The following ATP13A3 variants were observed in gnomAD, a reference collection of about 807,000 sequenced individuals.
The protein encoded by ATP13A3 is polyamine-transporting ATPase 13A3.
In ATP13A3, 59 loss-of-function variants were observed where a neutral mutation model predicts 158.1. That is an observed-to-expected ratio of 0.37 (90% CI 0.30 to 0.46). ATP13A3 has a LOEUF of 0.46. ATP13A3 is among the 20% of genes least tolerant of loss of function. The probability of loss-of-function intolerance (pLI) is 1.00; values close to 1 mark genes in which losing one functional copy is unlikely to be tolerated. For missense variants in ATP13A3, 1,166 were observed against 1,525.2 expected (o/e 0.76, Z 3.92); for synonymous variants, 491 against 504.3 (o/e 0.97, Z 0.35).
At chr3:194,467,486 TAA>T (rs1483650750) in intron 2 of ATP13A3, among the ~76,000 whole-genome samples, 3 of 152,188 alleles carry the variant, frequency 2.0e-5, no homozygotes, top group African/African-American at 4.8e-5. Context: ...TAAAGCAAAT[TAA>T]GTCTTAGCAA....
chr3:194,439,013 A>T, intron 16 of ATP13A3, 41 bp from the exon 17 acceptor site: 1 of 1,278,960 alleles, frequency 7.8e-7, no homozygotes, highest in Non-Finnish European at 1.1e-6. Context: ...AAAACACAAC[A>T]TTCAAGCACT....
At position 194,450,292 on chromosome 3, in the gene ATP13A3, G is replaced by A. The variant is rs749925074; in HGVS notation, c.839-16C>T. 6.2e-7 allele frequency: 1 copy of A among 1,604,228 alleles called. No homozygotes were observed. The highest frequency in any genetic ancestry group is 1.7e-5 in the Admixed American group (1 of 59,392). ...TCTTCTATTTCTGAAATTAAAGAAA[G>A]AAAGAAAAATCTGAAAAAGATATTC... On this transcript the variant is annotated splice_polypyrimidine_tract_variant and intron_variant, in intron 10 of 33. Coordinates refer to ENST00000645319, the MANE Select transcript of ATP13A3 (RefSeq NM_001367549.1).
chr3:194,420,128 G>C lies in ATP13A3; in HGVS notation c.3314-161C>G. ...TGTGCTCTGTTATCTCCTGGAGTATGAGACATTGTTCGGGGCACCCAAAAG... is the reference window on the plus strand; with the variant it reads ...TGTGCTCTGTTATCTCCTGGAGTATCAGACATTGTTCGGGGCACCCAAAAG... On this transcript the variant is annotated intron_variant, in intron 30 of 33. Coordinates refer to ENST00000645319, the MANE Select transcript of ATP13A3 (RefSeq NM_001367549.1). 6.9e-6 allele frequency: 5 copies of C among 724,704 alleles called. No homozygotes were observed. In the South Asian group the frequency reaches 1.6e-4, roughly 23 times the overall value. The allele number at this position is 724,704 out of a possible 1,614,324, so 44.9% of individuals were successfully genotyped here. A position where few individuals can be genotyped will look rare whatever the true frequency, so the allele number is the denominator to read the frequency against.
intron 21 of ATP13A3, 90 bp downstream of exon 21, chr3:194,433,682 T>C (rs1717414290): frequency 6.7e-7 from 1 of 1,502,404 alleles, no homozygotes; most frequent in African/African-American, 1.4e-5. Flanking sequence ...GACTATATAA[T>C]ATGATTTTAT....
chr3:194,465,774 GC>G (rs1484261537), intron 2 of ATP13A3, among the ~76,000 whole-genome samples: 26 of 151,718 alleles, frequency 1.7e-4, no homozygotes, highest in Non-Finnish European at 3.4e-4. Context: ...GACCAGCCTG[GC>G]CAACATGGTG....
At position 194,428,827 on chromosome 3, in the gene ATP13A3, A is replaced by T. The variant is rs377523622; in HGVS notation, c.2947+18T>A. On this transcript the variant is annotated intron_variant, in intron 28 of 33. Coordinates refer to ENST00000645319, the MANE Select transcript of ATP13A3 (RefSeq NM_001367549.1). The stretch of plus-strand genomic sequence containing the variant: ...ATTTCATACACTTTAAAAATCAATA[A>T]CAAAGCAAAATACTCACTTGTAAAT... 1.9e-6 allele frequency: 3 copies of T among 1,547,344 alleles called. No homozygotes were observed. The highest frequency in any genetic ancestry group is 4.5e-5 in the East Asian group (2 of 44,110).
intron 17 of ATP13A3, among the ~76,000 whole-genome samples, chr3:194,437,854 ATAAAAAT>A (rs1717768679): frequency 6.6e-6 from 1 of 152,214 alleles, no homozygotes; most frequent in South Asian, 2.1e-4. Context: ...AAAACACAAA[ATAAAAAT>A]TAAAAAATAA....
chr3:194,465,382 C>A (rs866401070), intron 2 of ATP13A3, among the ~76,000 whole-genome samples: 1 of 152,184 alleles, frequency 6.6e-6, no homozygotes, highest in Non-Finnish European at 1.5e-5. Context: ...TGGACTCCCT[C>A]AAGCCTTCAG....
At position 194,402,897 on chromosome 3, in the gene ATP13A3, C is replaced by A. The variant is rs773211859; in HGVS notation, c.*3022G>T. On this transcript the variant is annotated 3_prime_UTR_variant, in exon 34 of 34. Transcript: ENST00000645319. The stretch of plus-strand genomic sequence containing the variant: ...GTCTTAGGGAATTCACAAATCATAA[C>A]TAGAAGTAACTTTTATTAATTTAAT... The A allele has an allele frequency of 6.6e-5, 10 of 152,192 alleles. No individual in the cohort carries two copies. Among genetic ancestry groups the A allele is most frequent in the Middle Eastern group, 3.4e-3 (1 of 294 alleles). The allele number at this position is 152,192 out of a possible 1,614,324, so 9.4% of individuals were successfully genotyped here.
chr3:194,464,496 T>C (rs1409801615), intron 2 of ATP13A3, among the ~76,000 whole-genome samples: 1 of 152,206 alleles, frequency 6.6e-6, no homozygotes, highest in African/African-American at 2.4e-5. Context: ...TGGGTGGCAG[T>C]TATTTTCAAG....
At chr3:194,428,953 G>A (rs1717013633) in intron 27 of ATP13A3, 36 bp from the exon 28 acceptor site, 1 of 1,407,720 alleles carries the variant, frequency 7.1e-7, no homozygotes, top group East Asian at 2.4e-5. Context: ...ATTAGTTTTT[G>A]GGAATTATTT....
chr3:194,418,462 C>T (rs917354832), intron 31 of ATP13A3, among the ~76,000 whole-genome samples: 4 of 151,634 alleles, frequency 2.6e-5, no homozygotes, highest in Non-Finnish European at 5.9e-5. Context: ...AAAAAGACAA[C>T]ATCCTAAAAA....
upstream of ATP13A3, among the ~76,000 whole-genome samples, chr3:194,490,171 C>T (rs1721129533): frequency 6.6e-6 from 1 of 152,170 alleles, no homozygotes; most frequent in African/African-American, 2.4e-5. This position sits in a 1 kb window ranked among gnomAD's most constrained non-coding sequence, Gnocchi z 4.4. Context: ...ACTAAGAAAA[C>T]ATACACCATC....
At chr3:194,430,606 T>C (rs78196029) in intron 24 of ATP13A3, among the ~76,000 whole-genome samples, 2,727 of 152,300 alleles carry the variant, frequency 0.018, 85 homozygotes, top group African/African-American at 0.063. Flanking sequence ...CCTACAGTCT[T>C]TAGTATGGCT....
At chr3:194,415,521 T>G (rs565276551) in intron 31 of ATP13A3, among the ~76,000 whole-genome samples, 97 of 152,270 alleles carry the variant, frequency 6.4e-4, no homozygotes, top group African/African-American at 2.3e-3. Flanking sequence ...CTGGAACATC[T>G]TCAAAGTTCA....
Position 194,444,709 on chromosome 3 carries a change from T to G in ATP13A3, c.1559+16A>C, listed in dbSNP as rs769515039. On this transcript the variant is annotated intron_variant, in intron 15 of 33. Transcript: ENST00000645319. ...AAAAATAAACTAATAAACTATCAAG[T>G]CTAACTAATATTTACCGTGCATTTT... 6.4e-7 allele frequency: 1 copy of G among 1,565,364 alleles called. No individual in the cohort carries two copies. The highest frequency in any genetic ancestry group is 8.6e-7 in the Non-Finnish European group (1 of 1,157,784).
At chr3:194,463,318 T>C (rs1719787109) in intron 2 of ATP13A3, among the ~76,000 whole-genome samples, 1 of 151,922 alleles carries the variant, frequency 6.6e-6, no homozygotes, top group Non-Finnish European at 1.5e-5. Flanking sequence ...TTTCAAATAT[T>C]AAACATTCAG....
At chr3:194,419,555 A>C (rs1446008579) in intron 31 of ATP13A3, among the ~76,000 whole-genome samples, 1 of 152,200 alleles carries the variant, frequency 6.6e-6, no homozygotes. Context: ...AAAACACAAA[A>C]GGGAGCATGT....
chr3:194,471,487 G>A (rs1240629849), intron 2 of ATP13A3, among the ~76,000 whole-genome samples: 1 of 152,024 alleles, frequency 6.6e-6, no homozygotes, highest in Non-Finnish European at 1.5e-5. Context: ...CTGAGTAGCT[G>A]GGACCACAGG....
Sources: allele counts gnomAD v4.1 joint callset (sites outside exome capture counted in the v4.1 genomes callset), GRCh38; gene constraint gnomAD v4.1.1; non-coding constraint Gnocchi (gnomAD v3.1); transcripts MANE v1.5; gene names NCBI Gene and HGNC (gene_info 2026-07-23, HGNC 2026-07-21).